RIMS1: variants seen among roughly 807,000 people sequenced by gnomAD.
RIMS1 encodes the protein regulating synaptic membrane exocytosis protein 1.
RIMS1 carries 83 observed loss-of-function variants against 214.1 expected under a neutral mutation model. The ratio of observed to expected loss-of-function variants is 0.39; its 90% CI spans 0.32 to 0.47. The LOEUF is 0.47. RIMS1 is among the 20% of genes least tolerant of loss of function. The pLI is 0.99. For missense variants in RIMS1, 2,050 were observed against 2,161.8 expected, an observed-to-expected ratio of 0.95 and a Z score of 1.03; for synonymous variants, 793 against 786.8, an observed-to-expected ratio of 1.01 and a Z score of -0.13.
intron 2 of RIMS1, among the ~76,000 whole-genome samples, chr6:72,003,175 G>A (rs138959880): frequency 1.3e-5 from 2 of 152,230 alleles, no homozygotes; most frequent in Non-Finnish European, 2.9e-5. Flanking sequence ...GGTATAGAGG[G>A]AATGATCTCA....
chr6:71,913,623 A>T (rs144782271), intron 1 of RIMS1, among the ~76,000 whole-genome samples: 1 of 152,134 alleles, frequency 6.6e-6, no homozygotes, highest in African/African-American at 2.4e-5. Context: ...ATGACTCAAG[A>T]TCTCCCTTTA....
intron 6 of RIMS1, among the ~76,000 whole-genome samples, chr6:72,231,483 AC>A (rs1388019337): frequency 2.0e-5 from 3 of 151,704 alleles, no homozygotes; most frequent in Non-Finnish European, 4.4e-5. Flanking sequence ...GTAGATAGCT[AC>A]AAAACTGTGT....
chr6:72,210,314 T>C (rs1053978232), intron 6 of RIMS1, among the ~76,000 whole-genome samples: 2 of 152,242 alleles, frequency 1.3e-5, no homozygotes, highest in African/African-American at 4.8e-5. Context: ...CAAGTAAGTT[T>C]AGCCAGTGCT....
intron 29 of RIMS1, among the ~76,000 whole-genome samples, chr6:72,353,942 G>C (rs1053776680): frequency 6.6e-6 from 1 of 151,886 alleles, no homozygotes; most frequent in African/African-American, 2.4e-5. Flanking sequence ...GGCTTTGGCC[G>C]GGCACGGTGG....
intron 31 of RIMS1, among the ~76,000 whole-genome samples, chr6:72,396,135 A>G (rs2098773213): frequency 6.6e-6 from 1 of 152,078 alleles, no homozygotes; most frequent in Non-Finnish European, 1.5e-5. Flanking sequence ...AATTGATCAC[A>G]TTGCTGTAAT....
rs573385660 is a variant in RIMS1, at chr6:72,370,493, C to A, written c.4367-20105C>A. On this transcript the variant is annotated intron_variant, in intron 29 of 33. Coordinates refer to ENST00000521978, the MANE Select transcript of RIMS1 (RefSeq NM_014989.7). ...CCTCAGCAGGAAGTTCTTTAACTTA[C>A]CCCAGGAGAGATGCTAACTTGATCC... Among the ~76,000 whole-genome samples, 3 of 152,256 alleles carry A rather than the reference C, an allele frequency of 2.0e-5. No homozygotes were observed. In the South Asian group the frequency reaches 6.2e-4, roughly 32 times the overall value.
chr6:72,032,856 GAAA>G (rs1236093413), intron 2 of RIMS1, among the ~76,000 whole-genome samples: 1 of 152,112 alleles, frequency 6.6e-6, no homozygotes, highest in Non-Finnish European at 1.5e-5. Context: ...CCTTGTAGGG[GAAA>G]ACAGACATGT....
At chr6:72,012,365 G>T (rs1811038749) in intron 2 of RIMS1, among the ~76,000 whole-genome samples, 1 of 152,094 alleles carries the variant, frequency 6.6e-6, no homozygotes, top group Admixed American at 6.5e-5. Context: ...AGCATTAGGA[G>T]ATATACCTAA....
At chr6:72,190,677 T>G (rs969817939) in intron 6 of RIMS1, among the ~76,000 whole-genome samples, 9 of 151,360 alleles carry the variant, frequency 5.9e-5, no homozygotes, top group African/African-American at 2.2e-4. Flanking sequence ...GTGGCAGGAG[T>G]GGAGATGATG....
At chr6:72,233,644 A>C (rs1477240657) in intron 6 of RIMS1, 129 bp from the exon 7 acceptor site, 2 of 711,888 alleles carry the variant, frequency 2.8e-6, no homozygotes, top group African/African-American at 3.5e-5. Flanking sequence ...ACAGGTGTGC[A>C]TCATTCTGCG....
At chr6:72,058,454 A>ATGGGT (rs1272165005) in intron 2 of RIMS1, among the ~76,000 whole-genome samples, 1 of 152,228 alleles carries the variant, frequency 6.6e-6, no homozygotes, top group Non-Finnish European at 1.5e-5. Flanking sequence ...TTCATTTTGG[A>ATGGGT]AGCCCCTCTG....
At chr6:72,034,191 C>T (rs1399909943) in intron 2 of RIMS1, among the ~76,000 whole-genome samples, 1 of 152,062 alleles carries the variant, frequency 6.6e-6, no homozygotes, top group East Asian at 1.9e-4. Context: ...TTCTGATAAA[C>T]AATGAATGAT....
At chr6:72,197,888 G>T (rs2051257910) in intron 6 of RIMS1, among the ~76,000 whole-genome samples, 1 of 152,038 alleles carries the variant, frequency 6.6e-6, no homozygotes, top group African/African-American at 2.4e-5. Context: ...CACCATTAAA[G>T]ATGCCAAGGA....
At chr6:72,013,305 A>T (rs1273457542) in intron 2 of RIMS1, among the ~76,000 whole-genome samples, 1 of 152,196 alleles carries the variant, frequency 6.6e-6, no homozygotes, top group African/African-American at 2.4e-5. Flanking sequence ...ATTATGTCAT[A>T]ATAAGTACAG....
At chr6:72,266,308 G>T in intron 22 of RIMS1, 2 of 501,322 alleles carry the variant, frequency 4.0e-6, no homozygotes, top group South Asian at 4.3e-5. Flanking sequence ...TCTGGCTGCT[G>T]CTTTTCCCCT....
Position 72,079,153 on chromosome 6 carries a change from G to A in RIMS1, c.246-17796G>A, listed in dbSNP as rs1000856343. Among the ~76,000 whole-genome samples the A allele has an allele frequency of 4.6e-5, 7 of 152,188 alleles. No individual in the cohort carries two copies. The South Asian group carries it at 6.2e-4, about 14-fold the overall frequency. On this transcript the variant is annotated intron_variant, in intron 2 of 33. Transcript: ENST00000521978. ...ATGGACTAAAAAGGTATGACCACTG[G>A]GGCTTAGCACTGAAGCAAGAAGAAA...
rs187489425 is a variant in RIMS1 at position 72,296,194 on chromosome 6, A to C, written c.3850+4148A>C. On this transcript the variant is annotated intron_variant, in intron 26 of 33. Coordinates refer to ENST00000521978, the MANE Select transcript of RIMS1 (RefSeq NM_014989.7). ...AATGTTTTTTAAAAATTTTATTTAAAATTAATGTTTTTTTAAAAATTTATT... is the reference window on the plus strand; with the variant it reads ...AATGTTTTTTAAAAATTTTATTTAACATTAATGTTTTTTTAAAAATTTATT... Among the ~76,000 whole-genome samples, 67 of 151,968 alleles carry C rather than the reference A, an allele frequency of 4.4e-4. 2 individuals carry two copies. Among genetic ancestry groups the C allele is most frequent in the Admixed American group, 3.8e-3 (58 of 15,214 alleles).
In RIMS1 at chr6:72,009,172, A is replaced by G. The variant is rs372696028; in HGVS notation, c.245+40109A>G. 2.4e-4 allele frequency among the ~76,000 whole-genome samples: 36 copies of G among 152,294 alleles called. 1 individual carries two copies. The East Asian group carries it at 6.7e-3, about 29-fold the overall frequency. On this transcript the variant is annotated intron_variant, in intron 2 of 33. Coordinates refer to ENST00000521978, the MANE Select transcript of RIMS1 (RefSeq NM_014989.7). The stretch of plus-strand genomic sequence containing the variant: ...ACTAGAACTCAGGATTAAGAAACTC[A>G]CTCAAAACAGCTCAACTACATGGAA...
intron 32 of RIMS1, 50 bp from the exon 33 acceptor site, chr6:72,398,905 T>C: frequency 8.5e-7 from 1 of 1,172,844 alleles, no homozygotes; most frequent in Non-Finnish European, 1.2e-6. Context: ...ATTAAAAAAA[T>C]AGTTGAATTT....
Sources: gnomAD v4.1 joint callset for allele counts (sites outside exome capture counted in the v4.1 genomes callset) on GRCh38, gnomAD v4.1.1 for gene constraint, MANE v1.5 for transcripts, NCBI Gene and HGNC (gene_info 2026-07-23, HGNC 2026-07-21) for gene names.